OR1J2: variants seen among roughly 807,000 people sequenced by gnomAD.
OR1J2 encodes the protein olfactory receptor family 1 subfamily J member 2, also known as olfactory receptor 1J2.
For missense variants in OR1J2, 304 were observed against 246.1 expected, an observed-to-expected ratio of 1.24 and a Z score of -1.57; for synonymous variants, 142 against 99.7, an observed-to-expected ratio of 1.42 and a Z score of -2.52.
the OR1J2 span, among the ~76,000 whole-genome samples, chr9:122,566,644 A>G: frequency 6.6e-6 from 1 of 152,172 alleles, no homozygotes; most frequent in African/African-American, 2.4e-5. Flanking sequence ...ATTTTTACCT[A>G]TTATAAACTG....
chr9:122,484,553 TCTC>T, the OR1J2 span, among the ~76,000 whole-genome samples: 5 of 151,976 alleles, frequency 3.3e-5, no homozygotes, highest in Admixed American at 6.5e-5. Context: ...AAAGAACAAA[TCTC>T]CTCTTAGGCC....
At chr9:122,542,638 T>G in the OR1J2 span, among the ~76,000 whole-genome samples, 1 of 152,170 alleles carries the variant, frequency 6.6e-6, no homozygotes, top group African/African-American at 2.4e-5. Flanking sequence ...CATCCATTTA[T>G]TCATCCTTCA....
chr9:122,484,140 A>G, the OR1J2 span, among the ~76,000 whole-genome samples: 2 of 152,122 alleles, frequency 1.3e-5, no homozygotes, highest in Middle Eastern at 3.4e-3. Flanking sequence ...AGCAGTTACA[A>G]TAATTTTTAC....
At chr9:122,573,765 ATTCT>A in the OR1J2 span, among the ~76,000 whole-genome samples, 1 of 152,144 alleles carries the variant, frequency 6.6e-6, no homozygotes, top group Non-Finnish European at 1.5e-5. Flanking sequence ...CAGCTTATGA[ATTCT>A]TTCTTTTATG....
chr9:122,567,918 T>A, the OR1J2 span: 9 of 1,614,056 alleles, frequency 5.6e-6, no homozygotes, highest in South Asian at 9.9e-5. Context: ...GCAGGACAAT[T>A]TCAGCACAGG....
the OR1J2 span, chr9:122,519,953 C>T: frequency 1.5e-5 from 24 of 1,614,086 alleles, no homozygotes; most frequent in Middle Eastern, 1.6e-4. Flanking sequence ...GTGACAAGGA[C>T]GTAATTGCCT....
chr9:122,517,780 C>G, the OR1J2 span, among the ~76,000 whole-genome samples: 1 of 151,812 alleles, frequency 6.6e-6, no homozygotes, highest in East Asian at 1.9e-4. Flanking sequence ...CACAGGTAAA[C>G]GTGTGCCATG....
the OR1J2 span, chr9:122,477,397 T>C: frequency 1.2e-6 from 2 of 1,613,596 alleles, no homozygotes; most frequent in Non-Finnish European, 1.7e-6. Context: ...GTCACAGAAG[T>C]AGTGAGGGAT....
the OR1J2 span, chr9:122,568,794 G>A: frequency 3.0e-5 from 7 of 233,412 alleles, no homozygotes; most frequent in South Asian, 1.1e-4. Context: ...TTCACCTGCC[G>A]GGGACATAGC....
At chr9:122,484,794 A>T in the OR1J2 span, among the ~76,000 whole-genome samples, 1 of 152,126 alleles carries the variant, frequency 6.6e-6, no homozygotes, top group Non-Finnish European at 1.5e-5. Context: ...ACACTTTGGG[A>T]GGCTGAGGAG....
At chr9:122,486,088 G>A in the OR1J2 span, among the ~76,000 whole-genome samples, 2 of 151,794 alleles carry the variant, frequency 1.3e-5, no homozygotes, top group Non-Finnish European at 2.9e-5. Context: ...AGCCTCCCGA[G>A]TAGCTGGGAT....
At chr9:122,578,496 C>A in the OR1J2 span, 1 of 150,842 alleles carries the variant, frequency 6.6e-6, no homozygotes, top group African/African-American at 2.4e-5. Context: ...AAGATACTTG[C>A]ACATGCATGT....
the OR1J2 span, among the ~76,000 whole-genome samples, chr9:122,539,522 C>T: frequency 6.6e-6 from 1 of 152,104 alleles, no homozygotes; most frequent in Non-Finnish European, 1.5e-5. Flanking sequence ...CATTGTTGGA[C>T]ATTTGGGTTG....
chr9:122,484,419 C>T, the OR1J2 span, among the ~76,000 whole-genome samples: 3 of 152,130 alleles, frequency 2.0e-5, no homozygotes, highest in Admixed American at 2.0e-4. Flanking sequence ...CTCGGCCTCC[C>T]AAAGTGCTGG....
At chr9:122,506,700 A>C (rs1828527583), upstream of OR1J2, among the ~76,000 whole-genome samples, 1 of 152,144 alleles carries the variant, frequency 6.6e-6, no homozygotes, top group Non-Finnish European at 1.5e-5. Context: ...AGCAGTTGGC[A>C]TGGGGAGAAG....
the OR1J2 span, among the ~76,000 whole-genome samples, chr9:122,467,854 C>T: frequency 2.0e-5 from 3 of 152,186 alleles, no homozygotes; most frequent in Non-Finnish European, 4.4e-5. Context: ...AATCCCCATA[C>T]TGTATTAAAT....
chr9:122,526,460 T>A, the OR1J2 span: 3 of 1,549,940 alleles, frequency 1.9e-6, no homozygotes, highest in South Asian at 3.8e-5. Flanking sequence ...TGGGAGTCAC[T>A]ATGGTGTACA....
upstream of OR1J2, among the ~76,000 whole-genome samples, chr9:122,509,556 C>A (rs1375476167): frequency 1.3e-5 from 2 of 152,190 alleles, no homozygotes; most frequent in Non-Finnish European, 2.9e-5. Flanking sequence ...TTTACTTTCT[C>A]AACATGCCAG....
chr9:122,493,729 C>T, the OR1J2 span, among the ~76,000 whole-genome samples: 1 of 151,830 alleles, frequency 6.6e-6, no homozygotes, highest in African/African-American at 2.4e-5. Flanking sequence ...TTCTTTTCTT[C>T]TGCTGGTTGT....
Sources: allele counts gnomAD v4.1 joint callset (sites outside exome capture counted in the v4.1 genomes callset), GRCh38; gene constraint gnomAD v4.1.1; transcripts MANE v1.5; gene names NCBI Gene and HGNC (gene_info 2026-07-23, HGNC 2026-07-21).